LRP1B: variants seen among roughly 807,000 people sequenced by gnomAD.
LRP1B encodes the protein low-density lipoprotein receptor-related protein 1B.
In LRP1B, 217 loss-of-function variants were observed where a neutral mutation model predicts 556.6. The ratio of observed to expected loss-of-function variants is 0.39; its 90% CI spans 0.35 to 0.44. LRP1B has a LOEUF of 0.44. Among genes scored for constraint, LRP1B ranks in the 20% least tolerant of loss-of-function variants. LRP1B has a pLI of 1.00. For synonymous variants in LRP1B, 2,047 were observed against 1,865.8 expected, an observed-to-expected ratio of 1.10 and a Z score of -2.50; for missense variants, 5,053 against 5,620.8, an observed-to-expected ratio of 0.90 and a Z score of 3.23.
At chr2:141,051,816 T>C (rs1429220202) in intron 10 of LRP1B, among the ~76,000 whole-genome samples, 3 of 152,070 alleles carry the variant, frequency 2.0e-5, no homozygotes, top group African/African-American at 7.2e-5. Context: ...TCCTTGATAT[T>C]CATCCATTCT....
chr2:140,320,933 G>T (rs930458951), intron 82 of LRP1B, among the ~76,000 whole-genome samples: 2 of 152,022 alleles, frequency 1.3e-5, no homozygotes, highest in Admixed American at 6.6e-5. Flanking sequence ...ACACATACCT[G>T]TAGTCCCAGC....
chr2:140,716,160 C>T (rs2105462267), intron 36 of LRP1B, 58 bp from the exon 37 acceptor site: 2 of 1,247,610 alleles, frequency 1.6e-6, no homozygotes, highest in East Asian at 2.4e-5. Flanking sequence ...ATGTATTTGT[C>T]ATGACTAAAA....
chr2:141,437,276 A>AT (rs1304643045), intron 3 of LRP1B, among the ~76,000 whole-genome samples: 2 of 152,114 alleles, frequency 1.3e-5, no homozygotes, highest in Non-Finnish European at 2.9e-5. Context: ...AGATTTTGTA[A>AT]TTGAGAATCA....
intron 3 of LRP1B, among the ~76,000 whole-genome samples, chr2:141,279,927 C>A (rs377001880): frequency 3.3e-5 from 5 of 152,056 alleles, no homozygotes; most frequent in African/African-American, 1.2e-4. Context: ...TTTCCATTAG[C>A]AATTTACTTT....
chr2:140,758,222 T>G lies in LRP1B; in HGVS notation c.5758+10991A>C, dbSNP rs370137059. 3.3e-5 allele frequency among the ~76,000 whole-genome samples: 5 copies of G among 152,194 alleles called. No homozygotes were observed. The East Asian group carries it at 7.7e-4, about 23-fold the overall frequency. On this transcript the variant is annotated intron_variant, in intron 35 of 90. Transcript: ENST00000389484. ...TGCTAATCCACATAATATAATGTAT[T>G]CCTATTAAAATAGTATTTACAAATT...
chr2:141,330,747 C>CTTT (rs530844983), intron 3 of LRP1B, among the ~76,000 whole-genome samples: 41 of 107,852 alleles, frequency 3.8e-4, no homozygotes, highest in African/African-American at 5.9e-4. Flanking sequence ...GGCTAACAAA[C>CTTT]TTTTTTTTTT....
chr2:141,886,343 C>T (rs1452959212), intron 1 of LRP1B, among the ~76,000 whole-genome samples: 1 of 152,044 alleles, frequency 6.6e-6, no homozygotes, highest in African/African-American at 2.4e-5. Context: ...AAAATGTTTA[C>T]ACTTTTAAAA....
chr2:141,262,528 C>G (rs1355795482), intron 3 of LRP1B, among the ~76,000 whole-genome samples: 1 of 152,074 alleles, frequency 6.6e-6, no homozygotes, highest in African/African-American at 2.4e-5. Flanking sequence ...TCAATTTAGC[C>G]TATACTTCTT....
chr2:140,566,323 C>G (rs1310281994), intron 43 of LRP1B, among the ~76,000 whole-genome samples: 2 of 152,126 alleles, frequency 1.3e-5, no homozygotes, highest in Non-Finnish European at 2.9e-5. Flanking sequence ...GAAAACAGTG[C>G]CTTGGCAGAA....
chr2:140,673,690 A>G (rs1282300066), intron 41 of LRP1B, among the ~76,000 whole-genome samples: 1 of 152,164 alleles, frequency 6.6e-6, no homozygotes, highest in Admixed American at 6.5e-5. Context: ...TAAGCCGTGA[A>G]CCAAATGAAT....
At position 141,342,253 on chromosome 2, in the gene LRP1B, A is replaced by AT. The variant is rs931755274; in HGVS notation, c.344-87613_344-87612insA. ...AGTGAGACTCCATCTCAAAAAAAAA[A>AT]AAAATAAAATAAATAAAAATAAAAT... is the stretch of plus-strand genomic sequence containing the variant. On this transcript the variant is annotated intron_variant, in intron 3 of 90. Coordinates refer to ENST00000389484, the MANE Select transcript of LRP1B (RefSeq NM_018557.3). Among the ~76,000 whole-genome samples the AT allele has an allele frequency of 7.2e-5, 10 of 138,522 alleles. No homozygotes were observed. In the South Asian group the frequency reaches 1.6e-3, roughly 22 times the overall value. 90.9% of individuals were successfully genotyped at this position (138,522 alleles called of 152,430 possible).
intron 2 of LRP1B, among the ~76,000 whole-genome samples, chr2:141,499,561 A>C (rs1683638746): frequency 6.6e-6 from 1 of 151,998 alleles, no homozygotes; most frequent in Non-Finnish European, 1.5e-5. Context: ...TTATGTTCCT[A>C]TAGAGAGAGA....
intron 1 of LRP1B, among the ~76,000 whole-genome samples, chr2:141,860,143 T>C (rs1016771746): frequency 4.5e-4 from 68 of 152,290 alleles, no homozygotes; most frequent in African/African-American, 1.5e-3. Flanking sequence ...CTAAGAGTTT[T>C]TGTGACAAAT....
chr2:141,352,469 C>A (rs556354483), intron 3 of LRP1B, among the ~76,000 whole-genome samples: 2 of 151,698 alleles, frequency 1.3e-5, no homozygotes, highest in Non-Finnish European at 2.9e-5. Flanking sequence ...GTCACTTTCC[C>A]CTAATGTCAA....
chr2:142,040,902 G>A (rs866073826), intron 1 of LRP1B, among the ~76,000 whole-genome samples: 4 of 151,114 alleles, frequency 2.6e-5, no homozygotes, highest in African/African-American at 9.7e-5. Flanking sequence ...TTTTAGTTGT[G>A]TAACTGCTAA....
intron 41 of LRP1B, among the ~76,000 whole-genome samples, chr2:140,684,289 G>A (rs1049422386): frequency 3.3e-5 from 5 of 151,986 alleles, no homozygotes; most frequent in Admixed American, 3.3e-4. Flanking sequence ...TCTTCTCATT[G>A]AACTCTGTTC....
intron 2 of LRP1B, among the ~76,000 whole-genome samples, chr2:141,610,775 G>T (rs1431357012): frequency 6.6e-6 from 1 of 152,182 alleles, no homozygotes; most frequent in East Asian, 1.9e-4. Context: ...GCAAATGCTG[G>T]TTGAATGCAA....
At chr2:140,804,648 AATT>A (rs759538546) in intron 32 of LRP1B, among the ~76,000 whole-genome samples, 3,331 of 103,776 alleles carry the variant, frequency 0.032, 224 homozygotes, top group Non-Finnish European at 0.038. Context: ...GGTAAAAACT[AATT>A]TTTTTTTTTT....
At chr2:140,638,326 G>A (rs76620979) in intron 41 of LRP1B, among the ~76,000 whole-genome samples, 4,464 of 152,176 alleles carry the variant, frequency 0.029, 99 homozygotes, top group South Asian at 0.05. Context: ...TCACTTAATC[G>A]TCACAAGTAC....
Sources: allele counts gnomAD v4.1 joint callset (sites outside exome capture counted in the v4.1 genomes callset), GRCh38; gene constraint gnomAD v4.1.1; transcripts MANE v1.5; gene names NCBI Gene and HGNC (gene_info 2026-07-23, HGNC 2026-07-21).